Variants in PRKDC observed in about 807,000 individuals in gnomAD.
PRKDC encodes protein kinase, DNA-activated, catalytic subunit, also known as DNA-dependent protein kinase catalytic subunit.
PRKDC carries 82 observed loss-of-function variants against 486.9 expected under a neutral mutation model. The observed-to-expected ratio is 0.17, with a 90% CI of 0.14 to 0.20. PRKDC has a LOEUF of 0.20. Among genes scored for constraint, PRKDC ranks in the 10% least tolerant of loss-of-function variants. The probability of loss-of-function intolerance (pLI) is 1.00; values close to 1 mark genes in which losing one functional copy is unlikely to be tolerated. For missense variants in PRKDC, 4,504 were observed against 5,038.2 expected (o/e 0.89, Z 3.21); for synonymous variants, 1,895 against 1,837.0 (o/e 1.03, Z -0.81).
chr8:47,834,604 T>C (rs1461286414), intron 58 of PRKDC, among the ~76,000 whole-genome samples: 1 of 152,018 alleles, frequency 6.6e-6, no homozygotes. Context: ...GTGTCCCCAT[T>C]TGTAAAGTAA....
At chr8:47,920,079 C>T (rs908936089) in intron 21 of PRKDC, among the ~76,000 whole-genome samples, 5 of 152,226 alleles carry the variant, frequency 3.3e-5, no homozygotes, top group African/African-American at 1.2e-4. Flanking sequence ...TTCAGCCCAT[C>T]CCTTTGTTTC....
At chr8:47,784,317 T>A (rs888132054) in intron 77 of PRKDC, among the ~76,000 whole-genome samples, 4 of 152,130 alleles carry the variant, frequency 2.6e-5, no homozygotes, top group African/African-American at 9.7e-5. Context: ...CACTCTATTC[T>A]AATAGCATGG....
chr8:47,792,793 A>G (rs2086904295), intron 74 of PRKDC, among the ~76,000 whole-genome samples: 1 of 152,236 alleles, frequency 6.6e-6, no homozygotes, highest in Non-Finnish European at 1.5e-5. Context: ...GCTCTTAGAT[A>G]AAAGCAAATC....
chr8:47,887,761 C>G, intron 34 of PRKDC, 56 bp from the exon 35 acceptor site: 1 of 1,502,198 alleles, frequency 6.7e-7, no homozygotes, highest in Non-Finnish European at 8.9e-7. Flanking sequence ...TAGAAAAAAA[C>G]AACTTCACTC....
chr8:47,801,680 C>T (rs1415811368), intron 70 of PRKDC, among the ~76,000 whole-genome samples: 1 of 151,816 alleles, frequency 6.6e-6, no homozygotes, highest in African/African-American at 2.4e-5. Context: ...GGCACTGTGG[C>T]CCATAGCTAA....
At chr8:47,790,461 C>G (rs931216625) in intron 74 of PRKDC, among the ~76,000 whole-genome samples, 1 of 152,164 alleles carries the variant, frequency 6.6e-6, no homozygotes, top group Non-Finnish European at 1.5e-5. Context: ...AGAATCAATA[C>G]TGTTAAATCT....
chr8:47,855,581 C>T (rs958479067), intron 49 of PRKDC, among the ~76,000 whole-genome samples: 8 of 152,204 alleles, frequency 5.3e-5, no homozygotes, highest in South Asian at 2.1e-4. Context: ...TCAGAGTTGC[C>T]GTCCAGGGTG....
intron 68 of PRKDC, among the ~76,000 whole-genome samples, chr8:47,815,663 G>C (rs539994137): frequency 6.6e-6 from 1 of 152,194 alleles, no homozygotes; most frequent in African/African-American, 2.4e-5. Flanking sequence ...GTAAACAGAA[G>C]GAAGGGTGCC....
intron 73 of PRKDC, among the ~76,000 whole-genome samples, chr8:47,796,611 T>C (rs2086990963): frequency 6.6e-6 from 1 of 151,774 alleles, no homozygotes; most frequent in Non-Finnish European, 1.5e-5. Flanking sequence ...TTGTTGTTGT[T>C]TTTTTTGAGA....
At position 47,932,070 on chromosome 8, in the gene PRKDC, TTTG is replaced by T. The variant is rs2090266795; in HGVS notation, c.1776+947_1776+949del. On this transcript the variant is annotated intron_variant, in intron 16 of 85. Coordinates refer to ENST00000314191, the MANE Select transcript of PRKDC (RefSeq NM_006904.7). ...CACGCCCGGCTCATTTTTTTTGTAT[TTTG>T]TTTGTTTGTTTGTTTGTTTGTTTGT... Among the ~76,000 whole-genome samples the T allele has an allele frequency of 5.5e-5, 7 of 127,772 alleles. No homozygotes were observed. In the Admixed American group the frequency reaches 6.1e-4, roughly 11 times the overall value. The allele number at this position is 127,772 out of a possible 152,430, so 83.8% of individuals were successfully genotyped here. A position where few individuals can be genotyped will look rare whatever the true frequency, so the allele number is the denominator to read the frequency against.
chr8:47,856,695 G>GT (rs567545635), intron 49 of PRKDC, among the ~76,000 whole-genome samples: 148 of 152,292 alleles, frequency 9.7e-4, no homozygotes, highest in African/African-American at 3.5e-3. Flanking sequence ...ATAACATGGT[G>GT]TTATCATCTG....
At position 47,957,179 on chromosome 8, in the gene PRKDC, C is replaced by T; in HGVS notation, c.316G>A (p.Glu106Lys). 1 of 1,571,170 alleles carries T rather than the reference C, an allele frequency of 6.4e-7. No homozygotes were observed. The highest frequency in any genetic ancestry group is 8.7e-7 in the Non-Finnish European group (1 of 1,145,542). Reference sequence around the variant, plus strand: ...TGTTTTTTAATTCTTACCTTAATTTCAACAGAGTAAGGTGCGATCTTCTGG... The same window carrying T: ...TGTTTTTTAATTCTTACCTTAATTTTAACAGAGTAAGGTGCGATCTTCTGG... ...MGQKIAPYSV[E>K]IKNTCTSVYT... Residue 106 changes from glutamate to lysine, a missense_variant, in exon 3 of 86, where the codon GAA (glutamate) becomes AAA (lysine). Glu to Lys is a moderately conservative substitution (Grantham distance 56). This residue lies in a region of PRKDC where 145 missense variants were observed against 136.3 expected (regional missense o/e 1.06). Coordinates refer to ENST00000314191, the MANE Select transcript of PRKDC (RefSeq NM_006904.7).
chr8:47,878,103 GTTT>G (rs1279419423), intron 39 of PRKDC, among the ~76,000 whole-genome samples: 2 of 126,588 alleles, frequency 1.6e-5, no homozygotes, highest in African/African-American at 2.9e-5. Flanking sequence ...TTTTTTTTAG[GTTT>G]TTTTTTTTTT....
Position 47,890,418 on chromosome 8 carries a change from G to A in PRKDC, c.3910C>T (p.His1304Tyr), listed in dbSNP as rs1302491830. ...VAFFLESIAM[H>Y]DIIAAEKCFG... Reference sequence around the variant, plus strand: ...CACTTTTCTGCTGCTATAATGTCATGCATGGCAATGCTTTCTAAGAAGAAA... The same window carrying A: ...CACTTTTCTGCTGCTATAATGTCATACATGGCAATGCTTTCTAAGAAGAAA... The change falls in exon 32 of 86, where the codon CAT becomes TAT. Residue 1304 changes from histidine (H) to tyrosine (Y), a missense_variant. By Grantham distance (83) the His-to-Tyr change is moderately conservative. Transcript: ENST00000314191. 6.3e-6 allele frequency: 10 copies of A among 1,597,762 alleles called. No homozygotes were observed. Among genetic ancestry groups the A allele is most frequent in the Non-Finnish European group, 8.5e-6 (10 of 1,171,380 alleles).
At chr8:47,813,698 C>T (rs1406087040) in intron 68 of PRKDC, among the ~76,000 whole-genome samples, 1 of 152,114 alleles carries the variant, frequency 6.6e-6, no homozygotes, top group Non-Finnish European at 1.5e-5. Flanking sequence ...GCCTCAGCCT[C>T]CGAGTAGCTA....
chr8:47,784,064 C>T (rs1013119072), intron 77 of PRKDC: 2 of 418,952 alleles, frequency 4.8e-6, no homozygotes, highest in Non-Finnish European at 8.8e-6. Flanking sequence ...AGAGACCATC[C>T]TGGCTTACAT....
At chr8:47,957,922 T>A (rs902842205) in intron 1 of PRKDC, among the ~76,000 whole-genome samples, 1 of 152,198 alleles carries the variant, frequency 6.6e-6, no homozygotes, top group Non-Finnish European at 1.5e-5. Flanking sequence ...AGGGATGCAG[T>A]ACGCAAAATA....
At chr8:47,775,116 G>A (rs2086582481) in intron 85 of PRKDC, among the ~76,000 whole-genome samples, 1 of 151,898 alleles carries the variant, frequency 6.6e-6, no homozygotes, top group Admixed American at 6.6e-5. Flanking sequence ...GAACCCAGGA[G>A]GTGGGGGTTG....
intron 15 of PRKDC, among the ~76,000 whole-genome samples, chr8:47,933,584 A>AT (rs2090295911): frequency 6.6e-6 from 1 of 152,246 alleles, no homozygotes. Flanking sequence ...ATGTGCATAC[A>AT]TAACTAAATA....
Sources: gnomAD v4.1 joint callset for allele counts (sites outside exome capture counted in the v4.1 genomes callset) on GRCh38, gnomAD v4.1.1 for gene constraint, gnomAD v4.1.1 regional missense constraint, MANE v1.5 for transcripts, NCBI Gene and HGNC (gene_info 2026-07-23, HGNC 2026-07-21) for gene names.